The following IMMP2L variants were observed in gnomAD, a reference collection of about 807,000 sequenced individuals.
IMMP2L encodes the protein mitochondrial inner membrane protease subunit 2.
IMMP2L carries 18 observed loss-of-function variants against 19.3 expected under a neutral mutation model. That is an observed-to-expected ratio of 0.93 (90% confidence interval 0.64 to 1.38). The LOEUF is 1.38. IMMP2L is among the 40% of genes most tolerant of loss of function. The probability of loss-of-function intolerance (pLI) is 0.00; values close to 1 mark genes in which losing one functional copy is unlikely to be tolerated. For synonymous variants in IMMP2L, 76 were observed against 73.0 expected, an observed-to-expected ratio of 1.04 and a Z score of -0.21; for missense variants, 233 against 218.2, an observed-to-expected ratio of 1.07 and a Z score of -0.43.
chr7:110,756,686 A>G (rs1353561994), intron 5 of IMMP2L, among the ~76,000 whole-genome samples: 4 of 152,176 alleles, frequency 2.6e-5, no homozygotes, highest in Non-Finnish European at 5.9e-5. Context: ...GTACATTTCT[A>G]TTCTACATGC....
intron 5 of IMMP2L, among the ~76,000 whole-genome samples, chr7:110,713,540 G>A (rs146738468): frequency 3.7e-4 from 57 of 152,254 alleles, no homozygotes; most frequent in African/African-American, 1.2e-3. Context: ...TCCAATCAAT[G>A]AGCATAGGAT....
At chr7:111,388,368 T>C (rs1831996325) in intron 3 of IMMP2L, among the ~76,000 whole-genome samples, 1 of 152,018 alleles carries the variant, frequency 6.6e-6, no homozygotes, top group Non-Finnish European at 1.5e-5. Flanking sequence ...AGAAGGAACC[T>C]ACAAGTACAA....
chr7:111,314,881 G>A (rs776833590), intron 3 of IMMP2L, among the ~76,000 whole-genome samples: 21 of 152,190 alleles, frequency 1.4e-4, no homozygotes, highest in Non-Finnish European at 2.4e-4. Flanking sequence ...AAATTAAGCT[G>A]TGAAATATAT....
intron 3 of IMMP2L, among the ~76,000 whole-genome samples, chr7:111,412,722 T>G (rs907877421): frequency 2.0e-5 from 3 of 151,782 alleles, no homozygotes; most frequent in Non-Finnish European, 4.4e-5. Flanking sequence ...ATTTAATCAA[T>G]TAAATAAAAA....
Position 111,073,566 on chromosome 7 carries a change from C to G in IMMP2L, c.240-110001G>C, listed in dbSNP as rs530190182. ...ATTTTCCTCTTAGAAACATGGCAAACAGAAATGAGAAATCCCATTTGCTTA... is the reference window on the plus strand; with the variant it reads ...ATTTTCCTCTTAGAAACATGGCAAAGAGAAATGAGAAATCCCATTTGCTTA... On this transcript the variant is annotated intron_variant, in intron 3 of 5. Transcript: ENST00000405709. 5.3e-5 allele frequency among the ~76,000 whole-genome samples: 8 copies of G among 152,170 alleles called. No homozygotes were observed. In the East Asian group the frequency reaches 1.6e-3, roughly 30 times the overall value.
chr7:111,002,862 T>C (rs1823855697), intron 3 of IMMP2L, among the ~76,000 whole-genome samples: 1 of 152,184 alleles, frequency 6.6e-6, no homozygotes, highest in Non-Finnish European at 1.5e-5. Context: ...TAATTGGCTC[T>C]TGTGAGTCTG....
Position 110,963,489 on chromosome 7 carries a change from T to C in IMMP2L, c.305+11A>G. 1 of 1,573,124 alleles carries C rather than the reference T, an allele frequency of 6.4e-7. No homozygotes were observed. On this transcript the variant is annotated intron_variant, in intron 4 of 5. Transcript: ENST00000405709. Reference sequence around the variant, plus strand: ...TAAAACTTGAACTCAGAAACAACAGTAAATACTTACCTGACAATATCTCCT... The same window carrying C: ...TAAAACTTGAACTCAGAAACAACAGCAAATACTTACCTGACAATATCTCCT...
At chr7:111,539,172 G>A (rs1180126152) in intron 1 of IMMP2L, among the ~76,000 whole-genome samples, 4 of 66,052 alleles carry the variant, frequency 6.1e-5, no homozygotes, top group African/African-American at 2.1e-4. Context: ...AGGAAGGAAG[G>A]AAGGAAGGAA....
At chr7:111,367,094 A>C (rs893220364) in intron 3 of IMMP2L, among the ~76,000 whole-genome samples, 3 of 151,666 alleles carry the variant, frequency 2.0e-5, no homozygotes, top group African/African-American at 7.3e-5. Context: ...GGAGGAACGC[A>C]CAGAAGAATA....
rs558548972 is a variant in IMMP2L at position 110,871,730 on chromosome 7, T to C, written c.408+14863A>G. Among the ~76,000 whole-genome samples the C allele has an allele frequency of 3.9e-5, 6 of 152,282 alleles. No homozygotes were observed. The East Asian group carries it at 1.2e-3, about 29-fold the overall frequency. On this transcript the variant is annotated intron_variant, in intron 5 of 5. Transcript: ENST00000405709. ...AAATTCTACCACAGATTCAGAACTT[T>C]AATAGTTCTTAATCTAAGATAAACT...
intron 3 of IMMP2L, among the ~76,000 whole-genome samples, chr7:111,035,968 T>A (rs1173535573): frequency 6.6e-6 from 1 of 152,120 alleles, no homozygotes; most frequent in Non-Finnish European, 1.5e-5. Flanking sequence ...CTCACAAAGT[T>A]ATTGTGAGGA....
intron 5 of IMMP2L, among the ~76,000 whole-genome samples, chr7:110,842,137 C>T (rs1209184228): frequency 1.3e-5 from 2 of 152,182 alleles, no homozygotes; most frequent in Non-Finnish European, 2.9e-5. Context: ...TCAAAATGGA[C>T]TCAGTAGCTT....
chr7:110,693,800 G>A (rs1453606830), intron 5 of IMMP2L, among the ~76,000 whole-genome samples: 1 of 152,136 alleles, frequency 6.6e-6, no homozygotes, highest in South Asian at 2.1e-4. Context: ...GAATTTCAAA[G>A]CCCCTGGAAC....
At chr7:111,350,232 C>G (rs1335946105) in intron 3 of IMMP2L, among the ~76,000 whole-genome samples, 3 of 151,970 alleles carry the variant, frequency 2.0e-5, no homozygotes, top group Non-Finnish European at 2.9e-5. Context: ...TCCCAAAGTG[C>G]TGGGATTATA....
intron 5 of IMMP2L, among the ~76,000 whole-genome samples, chr7:110,826,947 A>C (rs913321602): frequency 3.9e-5 from 6 of 152,112 alleles, no homozygotes; most frequent in African/African-American, 1.4e-4. Flanking sequence ...TTCTCATGAC[A>C]GTATATGATG....
At chr7:111,356,458 A>G (rs1828707456) in intron 3 of IMMP2L, among the ~76,000 whole-genome samples, 1 of 152,190 alleles carries the variant, frequency 6.6e-6, no homozygotes, top group Non-Finnish European at 1.5e-5. Flanking sequence ...AGCAAATACT[A>G]CACTATGTTA....
chr7:111,185,013 G>A (rs1203185085), intron 3 of IMMP2L, among the ~76,000 whole-genome samples: 2 of 151,946 alleles, frequency 1.3e-5, no homozygotes, highest in Non-Finnish European at 2.9e-5. Flanking sequence ...GATAGTTACT[G>A]TTTTGTTTTG....
intron 4 of IMMP2L, among the ~76,000 whole-genome samples, chr7:110,914,789 AT>A (rs34939181): frequency 0.5 from 75,318 of 151,912 alleles, 19,480 homozygotes; most frequent in East Asian, 0.8. Context: ...AAATATGTGC[AT>A]TTTTTTTATA....
chr7:111,372,065 C>T (rs1830303778), intron 3 of IMMP2L, among the ~76,000 whole-genome samples: 1 of 151,866 alleles, frequency 6.6e-6, no homozygotes, highest in African/African-American at 2.4e-5. Context: ...GGAGAAACAG[C>T]CAGGATTACA....
Sources: gnomAD v4.1 joint callset for allele counts (sites outside exome capture counted in the v4.1 genomes callset) on GRCh38, gnomAD v4.1.1 for gene constraint, MANE v1.5 for transcripts, NCBI Gene and HGNC (gene_info 2026-07-23, HGNC 2026-07-21) for gene names.